Variants in MSRA observed in about 807,000 individuals in gnomAD.
MSRA encodes the protein methionine sulfoxide reductase A, also known as mitochondrial peptide methionine sulfoxide reductase.
A neutral mutation model predicts 31.3 loss-of-function variants in MSRA; 54 were observed. The observed-to-expected ratio is 1.73, with a 90% CI of 1.39 to 2.17. MSRA has a LOEUF of 2.17. Ranked by LOEUF, MSRA falls within the 30% of genes most tolerant of loss-of-function variation. The probability of loss-of-function intolerance (pLI) is 0.00; values close to 1 mark genes in which losing one functional copy is unlikely to be tolerated. For synonymous variants in MSRA, 169 were observed against 116.5 expected, an observed-to-expected ratio of 1.45 and a Z score of -2.90; for missense variants, 507 against 300.9, an observed-to-expected ratio of 1.69 and a Z score of -5.07.
chr8:10,245,559 C>T (rs186872179), intron 3 of MSRA, among the ~76,000 whole-genome samples: 1 of 152,206 alleles, frequency 6.6e-6, no homozygotes, highest in Non-Finnish European at 1.5e-5. Flanking sequence ...CTGGGATTTG[C>T]TCATGTGGCT....
chr8:10,409,486 C>G (rs1278879913), intron 5 of MSRA, among the ~76,000 whole-genome samples: 1 of 152,172 alleles, frequency 6.6e-6, no homozygotes, highest in Non-Finnish European at 1.5e-5. Flanking sequence ...AACCATGGCT[C>G]CAGAGTCAGA....
Position 10,207,188 on chromosome 8 carries a change from C to T in MSRA, c.143-645C>T, listed in dbSNP as rs80112763. On this transcript the variant is annotated intron_variant, in intron 1 of 5. Transcript: ENST00000317173. ...CAATAACCTGGTCACTTGTTACTTC[C>T]GAGTCCTCAGTGTTTACTAGGGTGG... 2.9e-3 allele frequency among the ~76,000 whole-genome samples: 442 copies of T among 152,260 alleles called. 2 individuals carry two copies. The highest frequency in any genetic ancestry group is 4.8e-3 in the Non-Finnish European group (328 of 68,028).
intron 1 of MSRA, among the ~76,000 whole-genome samples, chr8:10,118,355 A>G (rs1250702234): frequency 2.0e-5 from 3 of 152,176 alleles, no homozygotes; most frequent in Non-Finnish European, 4.4e-5. Context: ...AAGCACAGCT[A>G]TGTAAATCAT....
At chr8:10,346,099 T>G (rs918738896) in intron 5 of MSRA, among the ~76,000 whole-genome samples, 1 of 152,194 alleles carries the variant, frequency 6.6e-6, no homozygotes, top group Non-Finnish European at 1.5e-5. Flanking sequence ...TGTGCAGTGT[T>G]CCAAATTTAC....
chr8:10,064,906 C>A (rs968470218), intron 1 of MSRA, among the ~76,000 whole-genome samples: 1 of 152,070 alleles, frequency 6.6e-6, no homozygotes, highest in Non-Finnish European at 1.5e-5. Context: ...TCATAGCTTT[C>A]CACGTGGGGA....
intron 4 of MSRA, among the ~76,000 whole-genome samples, chr8:10,310,097 T>C (rs1427452029): frequency 2.0e-5 from 3 of 152,250 alleles, no homozygotes; most frequent in Non-Finnish European, 4.4e-5. Flanking sequence ...GTTAGTTTTT[T>C]AAAATAAGTC....
intron 5 of MSRA, among the ~76,000 whole-genome samples, chr8:10,391,718 G>C (rs1209266990): frequency 1.3e-5 from 2 of 152,206 alleles, no homozygotes; most frequent in Non-Finnish European, 2.9e-5. Context: ...TCTGCCACCT[G>C]CTTTCCCAGT....
At chr8:10,280,349 T>A (rs1442877246) in intron 3 of MSRA, among the ~76,000 whole-genome samples, 1 of 124,750 alleles carries the variant, frequency 8.0e-6, no homozygotes, top group East Asian at 2.4e-4. Flanking sequence ...TTTTTACTTT[T>A]TGCTCCTTTC....
intron 2 of MSRA, among the ~76,000 whole-genome samples, chr8:10,214,080 C>T (rs148710025): frequency 4.9e-4 from 74 of 152,222 alleles, no homozygotes; most frequent in African/African-American, 1.6e-3. Flanking sequence ...ACATGTTTTC[C>T]GGGTCAGATT....
intron 3 of MSRA, among the ~76,000 whole-genome samples, chr8:10,268,098 A>C (rs760351148): frequency 1.3e-5 from 2 of 152,188 alleles, no homozygotes; most frequent in Non-Finnish European, 2.9e-5. Context: ...GCCATTTCAT[A>C]AGCATTTGAT....
intron 3 of MSRA, among the ~76,000 whole-genome samples, chr8:10,256,523 C>T (rs184609538): frequency 6.6e-6 from 1 of 152,152 alleles, no homozygotes; most frequent in African/African-American, 2.4e-5. Context: ...GAAGTTCTAC[C>T]AGAGAGGATT....
At chr8:10,136,378 C>T (rs1207784230) in intron 1 of MSRA, among the ~76,000 whole-genome samples, 1 of 152,202 alleles carries the variant, frequency 6.6e-6, no homozygotes, top group Non-Finnish European at 1.5e-5. Flanking sequence ...TCATGTTACA[C>T]AGCTTTGTTC....
intron 1 of MSRA, among the ~76,000 whole-genome samples, chr8:10,187,624 G>T (rs190779059): frequency 1.3e-5 from 2 of 152,174 alleles, no homozygotes; most frequent in South Asian, 2.1e-4. Flanking sequence ...TAATGACAAG[G>T]CATGACTTCC....
intron 1 of MSRA, among the ~76,000 whole-genome samples, chr8:10,059,421 A>T (rs1355314769): frequency 6.6e-6 from 1 of 152,220 alleles, no homozygotes. Context: ...ATTGCTAATA[A>T]GTAGTGGAGC....
intron 4 of MSRA, among the ~76,000 whole-genome samples, chr8:10,312,572 G>T (rs1801491358): frequency 6.6e-6 from 1 of 152,130 alleles, no homozygotes; most frequent in African/African-American, 2.4e-5. Context: ...GCATAGTCTT[G>T]ATACCAAAAC....
At chr8:10,163,979 T>C (rs10105232) in intron 1 of MSRA, among the ~76,000 whole-genome samples, 3,544 of 152,360 alleles carry the variant, frequency 0.023, 140 homozygotes, top group African/African-American at 0.081. Context: ...AGTAATAATG[T>C]TGGGCCCACC....
At chr8:10,134,494 C>T (rs147926823) in intron 1 of MSRA, among the ~76,000 whole-genome samples, 2 of 152,362 alleles carry the variant, frequency 1.3e-5, no homozygotes, top group African/African-American at 4.8e-5. Flanking sequence ...CCGTGGGGCA[C>T]ATCCATGCCT....
intron 1 of MSRA, among the ~76,000 whole-genome samples, chr8:10,157,885 A>G (rs1275044015): frequency 6.6e-6 from 1 of 152,084 alleles, no homozygotes; most frequent in Non-Finnish European, 1.5e-5. Context: ...CACATACCGT[A>G]CAATTCATCT....
chr8:10,127,011 T>C (rs1028132257), intron 1 of MSRA, among the ~76,000 whole-genome samples: 1 of 152,226 alleles, frequency 6.6e-6, no homozygotes, highest in Non-Finnish European at 1.5e-5. Context: ...GTCCACTAGC[T>C]AGGGGTTGGG....
Sources: allele counts gnomAD v4.1 joint callset (sites outside exome capture counted in the v4.1 genomes callset), GRCh38; gene constraint gnomAD v4.1.1; transcripts MANE v1.5; gene names NCBI Gene and HGNC (gene_info 2026-07-23, HGNC 2026-07-21).